ATXN7: variants seen among roughly 807,000 people sequenced by gnomAD.
ATXN7 encodes ataxin 7, also known as ataxin-7.
Under a neutral mutation model 70.5 loss-of-function variants are expected in ATXN7, and 12 were observed. That is an observed-to-expected ratio of 0.17 (90% CI 0.11 to 0.28). The LOEUF (loss-of-function observed/expected upper bound fraction) is 0.28, where lower values mean the gene tolerates loss of function less well. Ranked by LOEUF, ATXN7 falls within the 10% of genes least tolerant of loss-of-function variation. The pLI is 1.00. For missense variants in ATXN7, 1,256 were observed against 1,131.7 expected, an observed-to-expected ratio of 1.11 and a Z score of -1.58; for synonymous variants, 498 against 448.7, an observed-to-expected ratio of 1.11 and a Z score of -1.39.
intron 4 of ATXN7, among the ~76,000 whole-genome samples, chr3:63,926,927 G>C (rs1179099609): frequency 6.6e-6 from 1 of 152,116 alleles, no homozygotes; most frequent in East Asian, 1.9e-4. Context: ...TTGGTTTTCT[G>C]TTCCTGTGTT....
chr3:63,877,023 A>G (rs1702764252), intron 1 of ATXN7, among the ~76,000 whole-genome samples: 1 of 152,212 alleles, frequency 6.6e-6, no homozygotes, highest in South Asian at 2.1e-4. Flanking sequence ...TACACCTTAA[A>G]TTCAATTTAG....
intron 1 of ATXN7, among the ~76,000 whole-genome samples, chr3:63,872,517 G>GGTGAGAACT (rs1702629247): frequency 6.6e-6 from 1 of 152,108 alleles, no homozygotes; most frequent in South Asian, 2.1e-4. Context: ...GTTCCAGGAG[G>GGTGAGAACT]GTGAGAACTG....
At chr3:63,988,398 G>A (rs2075613116) in intron 9 of ATXN7, 74 bp downstream of exon 9, 3 of 1,561,024 alleles carry the variant, frequency 1.9e-6, no homozygotes, top group Non-Finnish European at 2.6e-6. Flanking sequence ...TTTCAGTATG[G>A]TCATGCTGTT....
intron 11 of ATXN7, among the ~76,000 whole-genome samples, chr3:63,992,745 C>G (rs986428243): frequency 3.9e-5 from 6 of 152,320 alleles, no homozygotes; most frequent in African/African-American, 1.4e-4. Flanking sequence ...TTTCCATTAG[C>G]ATGACCATTG....
intron 4 of ATXN7, among the ~76,000 whole-genome samples, chr3:63,922,208 T>A (rs1704537166): frequency 6.6e-6 from 1 of 151,896 alleles, no homozygotes; most frequent in Admixed American, 6.6e-5. Context: ...CCCGGCTAAT[T>A]TTTGTATTTT....
In ATXN7 at chr3:63,995,816, C is replaced by T. The variant is rs1161666070; in HGVS notation, c.1994C>T (p.Ser665Phe). 1.9e-6 allele frequency: 3 copies of T among 1,614,242 alleles called. No homozygotes were observed. The highest frequency in any genetic ancestry group is 8.5e-7 in the Non-Finnish European group (1 of 1,180,052). Residue 665 changes from serine to phenylalanine, a missense_variant, in exon 12 of 13, where the codon TCC becomes TTC. Ser to Phe is a radical substitution (Grantham distance 155, BLOSUM62 -2). Coordinates refer to ENST00000674280, the MANE Select transcript of ATXN7 (RefSeq NM_001377405.1). ...TCTGGCCTTTCCTCGGTTCCTTCCT[C>T]CCCCATGTCCAGGAAACCTCAGAAA... is the stretch of plus-strand genomic sequence containing the variant. ...TPSGLSSVPS[S>F]PMSRKPQKLK...
At chr3:63,903,501 T>A (rs1703725542) in intron 2 of ATXN7, among the ~76,000 whole-genome samples, 1 of 152,028 alleles carries the variant, frequency 6.6e-6, no homozygotes, top group Admixed American at 6.6e-5. Flanking sequence ...ACCATTACAT[T>A]ATATGCTATT....
At chr3:63,964,607 A>G (rs1426654864) in intron 5 of ATXN7, among the ~76,000 whole-genome samples, 1 of 152,196 alleles carries the variant, frequency 6.6e-6, no homozygotes, top group East Asian at 1.9e-4. Flanking sequence ...GCCATCGACC[A>G]AAAGATCAGC....
chr3:63,891,398 A>T (rs1703260009), intron 1 of ATXN7, among the ~76,000 whole-genome samples: 1 of 151,746 alleles, frequency 6.6e-6, no homozygotes, highest in African/African-American at 2.4e-5. Context: ...AGCTCACTGC[A>T]GCCTTGAACT....
intron 2 of ATXN7, among the ~76,000 whole-genome samples, chr3:63,908,999 C>T (rs1304985782): frequency 1.3e-5 from 2 of 152,106 alleles, no homozygotes; most frequent in African/African-American, 4.8e-5. Flanking sequence ...TGAATTGTTT[C>T]CCCTACTTAC....
intron 4 of ATXN7, among the ~76,000 whole-genome samples, chr3:63,925,248 A>G (rs1359850276): frequency 6.6e-6 from 1 of 152,164 alleles, no homozygotes; most frequent in Non-Finnish European, 1.5e-5. Context: ...GTATCCAGTC[A>G]AGGATACAGG....
intron 1 of ATXN7, among the ~76,000 whole-genome samples, chr3:63,894,256 T>A (rs535951558): frequency 6.6e-6 from 1 of 152,336 alleles, no homozygotes; most frequent in African/African-American, 2.4e-5. Context: ...TGGCCAGATT[T>A]TTAGATTTTT....
At chr3:63,980,233 A>G (rs2106753560) in intron 6 of ATXN7, 66 bp downstream of exon 6, 1 of 1,580,494 alleles carries the variant, frequency 6.3e-7, no homozygotes. Context: ...CACTAGTGGC[A>G]TGTGAGAGTG....
intron 8 of ATXN7, among the ~76,000 whole-genome samples, chr3:63,983,751 T>C (rs867742490): frequency 1.3e-5 from 2 of 152,214 alleles, no homozygotes; most frequent in African/African-American, 2.4e-5. Flanking sequence ...TGCTGAAAAG[T>C]GTGGGTTATT....
intron 2 of ATXN7, among the ~76,000 whole-genome samples, chr3:63,903,335 C>G (rs1703716541): frequency 7.8e-6 from 1 of 128,914 alleles, no homozygotes; most frequent in Admixed American, 1.0e-4. Flanking sequence ...TGCAGTGAGC[C>G]AAGATTGCGC....
At chr3:63,877,674 G>A (rs947970950) in intron 1 of ATXN7, among the ~76,000 whole-genome samples, 11 of 152,232 alleles carry the variant, frequency 7.2e-5, no homozygotes, top group African/African-American at 2.7e-4. Context: ...CCTTGTTGGA[G>A]TGGCTTATTG....
intron 5 of ATXN7, 75 bp downstream of exon 5, chr3:63,952,558 T>C (rs2074972016): frequency 2.0e-6 from 2 of 1,004,590 alleles, no homozygotes; most frequent in Non-Finnish European, 2.9e-6. Flanking sequence ...GGAACAGTGA[T>C]GGCATGCATG....
intron 1 of ATXN7, among the ~76,000 whole-genome samples, chr3:63,886,000 GTC>G (rs1454420697): frequency 6.6e-6 from 1 of 152,014 alleles, no homozygotes; most frequent in Non-Finnish European, 1.5e-5. Flanking sequence ...GCGAGACTGG[GTC>G]TCAAACAAAA....
chr3:63,999,847 T>G lies in ATXN7; in HGVS notation c.*380T>G. 2 of 347,174 alleles carry G rather than the reference T, an allele frequency of 5.8e-6. No individual in the cohort carries two copies. The highest frequency in any genetic ancestry group is 1.7e-3 in the Middle Eastern group (2 of 1,176). 21.5% of individuals were successfully genotyped at this position (347,174 alleles called of 1,614,324 possible). A position where few individuals can be genotyped will look rare whatever the true frequency, so the allele number is the denominator to read the frequency against. On this transcript the variant is annotated 3_prime_UTR_variant, in exon 13 of 13. Transcript: ENST00000674280. The stretch of plus-strand genomic sequence containing the variant: ...AAGAATGTTTTGGCAAGAGCGTTAC[T>G]GTAGACCTTTCTCCCTCCTTCCTTT...
Sources: allele counts gnomAD v4.1 joint callset (sites outside exome capture counted in the v4.1 genomes callset), GRCh38; gene constraint gnomAD v4.1.1; transcripts MANE v1.5; gene names NCBI Gene and HGNC (gene_info 2026-07-23, HGNC 2026-07-21).